Variants in CNTNAP2 observed in about 807,000 individuals in gnomAD.
CNTNAP2 encodes the protein contactin associated protein 2, also known as contactin-associated protein-like 2.
In CNTNAP2, 98 loss-of-function variants were observed where a neutral mutation model predicts 155.2. The ratio of observed to expected loss-of-function variants is 0.63; its 90% confidence interval spans 0.54 to 0.75. The LOEUF (loss-of-function observed/expected upper bound fraction) is 0.75. CNTNAP2 is among the 30% of genes least tolerant of loss of function. The pLI is 0.00. For missense variants in CNTNAP2, 1,727 were observed against 1,688.1 expected, an observed-to-expected ratio of 1.02 and a Z score of -0.40; for synonymous variants, 651 against 631.2, an observed-to-expected ratio of 1.03 and a Z score of -0.47.
intron 1 of CNTNAP2, among the ~76,000 whole-genome samples, chr7:146,119,157 A>G (rs555926868): frequency 1.3e-5 from 2 of 152,256 alleles, no homozygotes; most frequent in East Asian, 3.9e-4. Flanking sequence ...TAAGATAATG[A>G]GCAACTCAAC....
At chr7:147,444,915 C>A (rs765506686) in intron 10 of CNTNAP2, among the ~76,000 whole-genome samples, 1 of 152,102 alleles carries the variant, frequency 6.6e-6, no homozygotes, top group Non-Finnish European at 1.5e-5. Context: ...CCTCAGGAAA[C>A]TTATAATCAT....
At chr7:146,356,818 A>G (rs1445418825) in intron 1 of CNTNAP2, among the ~76,000 whole-genome samples, 1 of 152,080 alleles carries the variant, frequency 6.6e-6, no homozygotes. Flanking sequence ...TCAAACACAC[A>G]CACGCACTTT....
intron 10 of CNTNAP2, among the ~76,000 whole-genome samples, chr7:147,429,356 A>G (rs528366353): frequency 1.3e-5 from 2 of 152,074 alleles, no homozygotes; most frequent in South Asian, 4.1e-4. Context: ...AAGTTTTCAT[A>G]TATTTGTTGG....
intron 14 of CNTNAP2, among the ~76,000 whole-genome samples, chr7:147,966,748 C>T (rs929525566): frequency 6.6e-6 from 1 of 152,048 alleles, no homozygotes; most frequent in African/African-American, 2.4e-5. Context: ...AGTGGACTAT[C>T]GCTGTTTAGT....
intron 1 of CNTNAP2, among the ~76,000 whole-genome samples, chr7:146,611,405 A>G (rs1799134787): frequency 1.3e-5 from 2 of 152,170 alleles, no homozygotes; most frequent in African/African-American, 4.8e-5. Flanking sequence ...TTGCTTTTAA[A>G]GTTAATAAAC....
intron 1 of CNTNAP2, among the ~76,000 whole-genome samples, chr7:146,393,816 A>G (rs1409053068): frequency 6.6e-6 from 1 of 152,106 alleles, no homozygotes; most frequent in Non-Finnish European, 1.5e-5. Flanking sequence ...AAAATTTATT[A>G]AATATAATCA....
At chr7:147,470,496 A>G (rs1254469403) in intron 10 of CNTNAP2, among the ~76,000 whole-genome samples, 3 of 152,040 alleles carry the variant, frequency 2.0e-5, no homozygotes, top group Non-Finnish European at 4.4e-5. Context: ...GTCTTGGATT[A>G]GGGTAATAGC....
chr7:147,605,575 A>G (rs1479997746), intron 12 of CNTNAP2, among the ~76,000 whole-genome samples: 1 of 152,126 alleles, frequency 6.6e-6, no homozygotes, highest in Admixed American at 6.5e-5. Context: ...CTGAGTCACA[A>G]TCTGGGCATG....
chr7:148,003,821 A>C (rs1244347365), intron 15 of CNTNAP2, among the ~76,000 whole-genome samples: 2 of 152,212 alleles, frequency 1.3e-5, no homozygotes, highest in Non-Finnish European at 2.9e-5. Context: ...ATAAATAGAC[A>C]ATTAGCCTCT....
chr7:146,959,021 A>AT (rs1485755752), intron 3 of CNTNAP2, among the ~76,000 whole-genome samples: 3 of 150,190 alleles, frequency 2.0e-5, no homozygotes, highest in South Asian at 4.2e-4. Context: ...ATTTTATTTT[A>AT]TTTATTTATT....
At chr7:146,729,468 G>A (rs1048925750) in intron 1 of CNTNAP2, among the ~76,000 whole-genome samples, 3 of 151,980 alleles carry the variant, frequency 2.0e-5, no homozygotes, top group African/African-American at 7.2e-5. Context: ...GAAAAAAAAA[G>A]AGCTTAAGAG....
rs138605541 is a variant in CNTNAP2, at chr7:146,365,956, A to G, written c.97+248983A>G. Among the ~76,000 whole-genome samples, 401 of 152,306 alleles carry G rather than the reference A, an allele frequency of 2.6e-3. 4 individuals are homozygous for G. Among genetic ancestry groups the G allele is most frequent in the African/African-American group, 9.2e-3 (382 of 41,570 alleles). On this transcript the variant is annotated intron_variant, in intron 1 of 23. Transcript: ENST00000361727. ...GGAAGAATTCTTATGGTCTACATCA[A>G]TGCTATACATTAAAACGTGTATTGG...
intron 1 of CNTNAP2, among the ~76,000 whole-genome samples, chr7:146,762,815 A>G (rs1256937793): frequency 6.6e-6 from 1 of 152,026 alleles, no homozygotes; most frequent in Non-Finnish European, 1.5e-5. Context: ...TGTACAGGGG[A>G]ACTCCCCTTT....
In CNTNAP2 at chr7:148,416,106, A is replaced by T. The variant is rs1378275735; in HGVS notation, c.*490A>T. 6 of 163,290 alleles carry T rather than the reference A, an allele frequency of 3.7e-5. No individual in the cohort carries two copies. The highest frequency in any genetic ancestry group is 9.6e-5 in the African/African-American group (4 of 41,514). 10.1% of individuals were successfully genotyped at this position (163,290 alleles called of 1,614,324 possible). A position where few individuals can be genotyped will look rare whatever the true frequency, so the allele number is the denominator to read the frequency against. Reference sequence around the variant, plus strand: ...AGAAACTAGTTCGTGTTTATATACTATTTCCTTTGATGTCCTATAAGTCGG... The same window carrying T: ...AGAAACTAGTTCGTGTTTATATACTTTTTCCTTTGATGTCCTATAAGTCGG... On this transcript the variant is annotated 3_prime_UTR_variant, in exon 24 of 24. Transcript: ENST00000361727.
At chr7:146,907,809 T>A (rs1354632102) in intron 3 of CNTNAP2, among the ~76,000 whole-genome samples, 1 of 151,490 alleles carries the variant, frequency 6.6e-6, no homozygotes, top group African/African-American at 2.4e-5. Context: ...AATATTAACT[T>A]TAAATGTAAA....
intron 13 of CNTNAP2, among the ~76,000 whole-genome samples, chr7:147,831,552 G>A (rs1277823382): frequency 1.3e-5 from 2 of 152,168 alleles, no homozygotes; most frequent in African/African-American, 4.8e-5. Flanking sequence ...ACACATGTCA[G>A]CATCTTGCAA....
At chr7:146,920,583 G>A (rs1796480150) in intron 3 of CNTNAP2, among the ~76,000 whole-genome samples, 1 of 151,990 alleles carries the variant, frequency 6.6e-6, no homozygotes, top group African/African-American at 2.4e-5. Flanking sequence ...GAAGATGTTT[G>A]GAAGGAAATC....
chr7:148,054,620 G>A (rs964976456), intron 15 of CNTNAP2, among the ~76,000 whole-genome samples: 3 of 151,996 alleles, frequency 2.0e-5, no homozygotes, highest in South Asian at 2.1e-4. Context: ...TCGCCAGAGT[G>A]CAGAGGCCAA....
intron 1 of CNTNAP2, among the ~76,000 whole-genome samples, chr7:146,704,570 C>G (rs567579349): frequency 7.9e-5 from 12 of 152,244 alleles, no homozygotes; most frequent in African/African-American, 2.2e-4. Flanking sequence ...TCCCATCACA[C>G]TCTTACAAAT....
Sources: gnomAD v4.1 joint callset for allele counts (sites outside exome capture counted in the v4.1 genomes callset) on GRCh38, gnomAD v4.1.1 for gene constraint, MANE v1.5 for transcripts, NCBI Gene and HGNC (gene_info 2026-07-23, HGNC 2026-07-21) for gene names.